CEP63: variants seen among roughly 807,000 people sequenced by gnomAD.
The protein encoded by CEP63 is centrosomal protein 63.
A neutral mutation model predicts 89.1 loss-of-function variants in CEP63; 84 were observed. That is an observed-to-expected ratio of 0.94 (90% confidence interval 0.79 to 1.13). The LOEUF is 1.13. Among genes scored for constraint, CEP63 ranks in the 50% most tolerant of loss-of-function variants. The probability of loss-of-function intolerance (pLI) is 0.00; values close to 1 mark genes in which losing one functional copy is unlikely to be tolerated. For synonymous variants in CEP63, 267 were observed against 272.5 expected (o/e 0.98, Z 0.20); for missense variants, 838 against 813.3 (o/e 1.03, Z -0.37).
At chr3:134,594,464 G>A in the CEP63 span, among the ~76,000 whole-genome samples, 1 of 152,056 alleles carries the variant, frequency 6.6e-6, no homozygotes, top group Admixed American at 6.5e-5. Context: ...AGCAATCTCG[G>A]CACATGCTCA....
the CEP63 span, chr3:134,610,293 A>G: frequency 2.5e-6 from 4 of 1,613,746 alleles, no homozygotes; most frequent in Non-Finnish European, 3.4e-6. Flanking sequence ...CATTCCAGGC[A>G]TGGTCAAACT....
the CEP63 span, among the ~76,000 whole-genome samples, chr3:134,621,519 A>G: frequency 6.6e-6 from 1 of 152,204 alleles, no homozygotes; most frequent in Non-Finnish European, 1.5e-5. Flanking sequence ...TCCACATGCA[A>G]AAGAATAAAC....
intron 3 of CEP63, among the ~76,000 whole-genome samples, chr3:134,514,079 A>T (rs934393517): frequency 6.6e-6 from 1 of 152,204 alleles, no homozygotes; most frequent in African/African-American, 2.4e-5. Context: ...TGTCATTATC[A>T]TGCACACAGT....
the CEP63 span, chr3:134,651,076 G>A: frequency 6.6e-7 from 1 of 1,507,208 alleles, no homozygotes; most frequent in Non-Finnish European, 8.8e-7. Flanking sequence ...GCGGAAGAGG[G>A]CGCTCCCCCG....
chr3:134,737,874 C>A, the CEP63 span, among the ~76,000 whole-genome samples: 1 of 152,144 alleles, frequency 6.6e-6, no homozygotes, highest in East Asian at 1.9e-4. Context: ...GTAACCTCTC[C>A]AAGTGGCCTC....
At chr3:134,764,473 A>G in the CEP63 span, among the ~76,000 whole-genome samples, 209 of 152,224 alleles carry the variant, frequency 1.4e-3, no homozygotes, top group African/African-American at 4.7e-3. Flanking sequence ...CCTCCCCTGA[A>G]GACCTGAGAC....
intron 14 of CEP63, among the ~76,000 whole-genome samples, chr3:134,560,777 C>G (rs535453536): frequency 1.3e-5 from 2 of 152,146 alleles, no homozygotes; most frequent in Middle Eastern, 3.4e-3. Flanking sequence ...TGTATTTTCC[C>G]TGGGCCAAAA....
chr3:134,740,199 G>C, the CEP63 span, among the ~76,000 whole-genome samples: 2 of 152,120 alleles, frequency 1.3e-5, no homozygotes, highest in African/African-American at 4.8e-5. Flanking sequence ...TATTTATCTT[G>C]CTCTTCTCGC....
the CEP63 span, among the ~76,000 whole-genome samples, chr3:134,667,806 A>G: frequency 1.3e-5 from 2 of 152,166 alleles, no homozygotes; most frequent in South Asian, 4.1e-4. Flanking sequence ...CCCCGGGGCA[A>G]AGAGAGCCAA....
At chr3:134,565,339 C>T (rs1027097310), downstream of CEP63, among the ~76,000 whole-genome samples, 3 of 152,192 alleles carry the variant, frequency 2.0e-5, no homozygotes, top group Admixed American at 2.0e-4. Context: ...GTGACATCTG[C>T]TTAAACCCAA....
At chr3:134,519,656 A>G (rs1947021709) in intron 3 of CEP63, among the ~76,000 whole-genome samples, 2 of 152,254 alleles carry the variant, frequency 1.3e-5, no homozygotes, top group Non-Finnish European at 2.9e-5. Flanking sequence ...AAGGAAAATT[A>G]CAGGCCAGTC....
the CEP63 span, chr3:134,650,936 C>G: frequency 1.2e-6 from 2 of 1,613,332 alleles, no homozygotes; most frequent in Non-Finnish European, 1.7e-6. Flanking sequence ...ATAGATACAG[C>G]GTTGATGTCC....
chr3:134,487,144 C>A (rs753359249), intron 1 of CEP63, among the ~76,000 whole-genome samples: 1 of 152,124 alleles, frequency 6.6e-6, no homozygotes, highest in Non-Finnish European at 1.5e-5. Context: ...TATACAGTTC[C>A]TCAAGTGCTT....
the CEP63 span, among the ~76,000 whole-genome samples, chr3:134,648,354 C>T: frequency 2.6e-5 from 4 of 152,148 alleles, no homozygotes; most frequent in Non-Finnish European, 5.9e-5. Flanking sequence ...CTGCAGAGCC[C>T]CCCATAGCCA....
At chr3:134,682,337 G>A in the CEP63 span, among the ~76,000 whole-genome samples, 1 of 152,110 alleles carries the variant, frequency 6.6e-6, no homozygotes, top group Admixed American at 6.5e-5. Flanking sequence ...GTCTGCAATC[G>A]TACTGAGAGA....
chr3:134,688,577 C>T, the CEP63 span, among the ~76,000 whole-genome samples: 2 of 152,266 alleles, frequency 1.3e-5, no homozygotes, highest in South Asian at 2.1e-4. Context: ...TTTGCAGTGG[C>T]GAGTCAGAGT....
the CEP63 span, chr3:134,619,249 A>C: frequency 1.9e-6 from 3 of 1,613,796 alleles, no homozygotes; most frequent in Non-Finnish European, 2.5e-6. Context: ...TCTCCTGAGC[A>C]GCTGCAATGT....
intron 14 of CEP63, 26 bp downstream of exon 14, chr3:134,559,455 A>G (rs755002842): frequency 1.3e-6 from 2 of 1,597,530 alleles, no homozygotes. Flanking sequence ...GATCTTAGTA[A>G]TTTGTTAGTT....
chr3:134,664,060 G>A, the CEP63 span, among the ~76,000 whole-genome samples: 3 of 152,174 alleles, frequency 2.0e-5, no homozygotes, highest in South Asian at 4.1e-4. Flanking sequence ...CACAAGACTC[G>A]GGCCTTCCCT....
Sources: gnomAD v4.1 joint callset for allele counts (sites outside exome capture counted in the v4.1 genomes callset) on GRCh38, gnomAD v4.1.1 for gene constraint, MANE v1.5 for transcripts, NCBI Gene and HGNC (gene_info 2026-07-23, HGNC 2026-07-21) for gene names.